The following CAMTA1 variants were observed in gnomAD, a reference collection of about 807,000 sequenced individuals.
CAMTA1 encodes the protein calmodulin binding transcription activator 1.
CAMTA1 carries 27 observed loss-of-function variants against 170.9 expected under a neutral mutation model. The observed-to-expected ratio is 0.16, with a 90% CI of 0.12 to 0.22. The LOEUF (loss-of-function observed/expected upper bound fraction) is 0.22, where lower values mean the gene tolerates loss of function less well. Ranked by LOEUF, CAMTA1 falls within the 10% of genes least tolerant of loss-of-function variation. CAMTA1 has a pLI of 1.00. For missense variants in CAMTA1, 1,619 were observed against 2,217.2 expected, an observed-to-expected ratio of 0.73 and a Z score of 5.42; for synonymous variants, 833 against 891.5, an observed-to-expected ratio of 0.93 and a Z score of 1.17.
chr1:6,907,204 G>A (rs975610692), intron 3 of CAMTA1, among the ~76,000 whole-genome samples: 3 of 152,228 alleles, frequency 2.0e-5, no homozygotes, highest in African/African-American at 7.2e-5. Flanking sequence ...GTTATAGGAT[G>A]TTCTGGAGGC....
intron 5 of CAMTA1, among the ~76,000 whole-genome samples, chr1:7,439,124 G>T (rs1273118330): frequency 1.3e-5 from 2 of 152,140 alleles, no homozygotes; most frequent in Non-Finnish European, 2.9e-5. Flanking sequence ...CAGGGCCGAG[G>T]GCCCCTCCAG....
chr1:7,637,437 C>T (rs1022759076), intron 6 of CAMTA1, among the ~76,000 whole-genome samples: 1 of 152,236 alleles, frequency 6.6e-6, no homozygotes, highest in Non-Finnish European at 1.5e-5. Context: ...CAGGCAGGAG[C>T]CCTCAGCCCA....
At chr1:6,925,543 C>T (rs1383127249) in intron 3 of CAMTA1, among the ~76,000 whole-genome samples, 3 of 152,170 alleles carry the variant, frequency 2.0e-5, no homozygotes, top group Non-Finnish European at 4.4e-5. Context: ...TCCTGCTCCC[C>T]TCGGCGCCTT....
intron 3 of CAMTA1, among the ~76,000 whole-genome samples, chr1:6,927,101 T>C (rs576254737): frequency 6.6e-6 from 1 of 152,136 alleles, no homozygotes; most frequent in South Asian, 2.1e-4. Flanking sequence ...CATAACTCAC[T>C]GTAGCCTCAA....
At chr1:7,148,760 C>G (rs1198858843) in intron 4 of CAMTA1, among the ~76,000 whole-genome samples, 1 of 152,244 alleles carries the variant, frequency 6.6e-6, no homozygotes, top group Non-Finnish European at 1.5e-5. Flanking sequence ...TGGGCTGTGA[C>G]CACCTCTCTC....
intron 6 of CAMTA1, among the ~76,000 whole-genome samples, chr1:7,508,823 C>A (rs935802217): frequency 5.3e-5 from 8 of 152,312 alleles, no homozygotes; most frequent in Admixed American, 4.6e-4. Context: ...GGCATCCACA[C>A]CCACTTAGCC....
chr1:7,123,641 G>C (rs1056012392), intron 4 of CAMTA1, among the ~76,000 whole-genome samples: 11 of 152,186 alleles, frequency 7.2e-5, no homozygotes, highest in African/African-American at 2.7e-4. Context: ...CACCCAGCCT[G>C]GGTAGTACCT....
At chr1:6,884,171 T>G (rs1426505937) in intron 3 of CAMTA1, among the ~76,000 whole-genome samples, 1 of 102,608 alleles carries the variant, frequency 9.7e-6, no homozygotes, top group African/African-American at 3.8e-5. Flanking sequence ...TCACTCCTTC[T>G]GAGGGGAGCA....
intron 5 of CAMTA1, among the ~76,000 whole-genome samples, chr1:7,358,260 A>T (rs2085277187): frequency 6.6e-6 from 1 of 152,052 alleles, no homozygotes; most frequent in African/African-American, 2.4e-5. Flanking sequence ...GTAGCTGAAA[A>T]CCTTGACTTG....
intron 5 of CAMTA1, among the ~76,000 whole-genome samples, chr1:7,403,398 G>A (rs2090054779): frequency 6.6e-6 from 1 of 152,176 alleles, no homozygotes; most frequent in Non-Finnish European, 1.5e-5. Context: ...TCATGGCCTA[G>A]TGAGGGAGGC....
In CAMTA1 at chr1:7,732,319, C is replaced by T; in HGVS notation, c.2915-129C>T. On this transcript the variant is annotated intron_variant, in intron 11 of 22. Coordinates refer to ENST00000303635, the MANE Select transcript of CAMTA1 (RefSeq NM_015215.4). The surrounding 1 kb of genome is among the most constrained non-coding windows in gnomAD (Gnocchi z 4.1). ...GATCGTGCTGGGGAACTCTGGCTGG[C>T]GGAGACCTCTCTGGTTTGGTGAAGT... 9 of 722,350 alleles carry T rather than the reference C, an allele frequency of 1.2e-5. No homozygotes were observed. The highest frequency in any genetic ancestry group is 2.2e-5 in the Non-Finnish European group (9 of 414,342). 44.7% of individuals were successfully genotyped at this position (722,350 alleles called of 1,614,324 possible).
intron 5 of CAMTA1, among the ~76,000 whole-genome samples, chr1:7,378,852 T>C (rs947720026): frequency 6.6e-6 from 1 of 152,116 alleles, no homozygotes; most frequent in Admixed American, 6.5e-5. Context: ...AGCAGGTGCA[T>C]TTAAAGTGGG....
rs1219604253 is a variant in CAMTA1, at chr1:7,559,115, G to A, written c.511-81285G>A. On this transcript the variant is annotated intron_variant, in intron 6 of 22. Coordinates refer to ENST00000303635, the MANE Select transcript of CAMTA1 (RefSeq NM_015215.4). ...CATGGCAGCCGCTCAGGAAGGAGGC[G>A]GCAGCTGGCACCGGTGGTGCTGTCT... Among the ~76,000 whole-genome samples the A allele has an allele frequency of 5.9e-5, 9 of 152,298 alleles. 1 individual carries two copies. The Middle Eastern group carries it at 0.017, about 288-fold the overall frequency.
At chr1:7,391,517 G>A in intron 5 of CAMTA1, among the ~76,000 whole-genome samples, 1 of 152,132 alleles carries the variant, frequency 6.6e-6, no homozygotes, top group Non-Finnish European at 1.5e-5. Context: ...TTAACATATG[G>A]TAAAAATTCC....
At position 6,887,815 on chromosome 1, in the gene CAMTA1, A is replaced by T; in HGVS notation, c.234+62605A>T. On this transcript the variant is annotated intron_variant, in intron 3 of 22. Transcript: ENST00000303635. This position sits in a 1 kb window ranked among gnomAD's most constrained non-coding sequence, Gnocchi z 4.1. ...TGGCTTTAAGACAGTTCTATTAGTG[A>T]ATTAACTGTTCTCAAAACCCCAAAT... 1 of 1,484,174 alleles carries T rather than the reference A, an allele frequency of 6.7e-7. No individual in the cohort carries two copies. The allele number at this position is 1,484,174 out of a possible 1,614,324, so 91.9% of individuals were successfully genotyped here.
chr1:7,115,536 C>T (rs1226588955), intron 4 of CAMTA1, among the ~76,000 whole-genome samples: 3 of 118,756 alleles, frequency 2.5e-5, no homozygotes, highest in African/African-American at 7.1e-5. Flanking sequence ...AGTGTGAGTC[C>T]GAAAAATCTA....
At position 7,736,286 on chromosome 1, in the gene CAMTA1, G is replaced by A. The variant is rs41278948; in HGVS notation, c.3067-58G>A. On this transcript the variant is annotated intron_variant, in intron 12 of 22. Coordinates refer to ENST00000303635, the MANE Select transcript of CAMTA1 (RefSeq NM_015215.4). The surrounding 1 kb of genome is among the most constrained non-coding windows in gnomAD (Gnocchi z 4.5). The stretch of plus-strand genomic sequence containing the variant: ...GCATTTGTTTCCCCTACATCGAAGC[G>A]CTGATGGGGTCGAGGGCCTTTAGTC... The A allele has an allele frequency of 4.3e-3, 6,192 of 1,445,482 alleles. 39 individuals are homozygous for A. Among genetic ancestry groups the A allele is most frequent in the Admixed American group, 0.022 (1,142 of 52,960 alleles). 89.5% of individuals were successfully genotyped at this position (1,445,482 alleles called of 1,614,324 possible).
At position 7,246,114 on chromosome 1, in the gene CAMTA1, G is replaced by A. The variant is rs114925989; in HGVS notation, c.303-3377G>A. 3.7e-3 allele frequency among the ~76,000 whole-genome samples: 563 copies of A among 152,348 alleles called. 4 individuals are homozygous for A. Among genetic ancestry groups the A allele is most frequent in the African/African-American group, 0.013 (553 of 41,570 alleles). On this transcript the variant is annotated intron_variant, in intron 4 of 22. Transcript: ENST00000303635. Reference sequence around the variant, plus strand: ...GGGTGGTAATGATCACCCAGCAGGTGGAGCAGAACGGAGACTGGCCCCACA... The same window carrying A: ...GGGTGGTAATGATCACCCAGCAGGTAGAGCAGAACGGAGACTGGCCCCACA...
At chr1:7,522,132 G>A (rs1010934075) in intron 6 of CAMTA1, among the ~76,000 whole-genome samples, 1 of 152,268 alleles carries the variant, frequency 6.6e-6, no homozygotes, top group Non-Finnish European at 1.5e-5. Flanking sequence ...TGACGGATCC[G>A]GTTTTTTCAC....
Sources: allele counts gnomAD v4.1 joint callset (sites outside exome capture counted in the v4.1 genomes callset), GRCh38; gene constraint gnomAD v4.1.1; non-coding constraint Gnocchi (gnomAD v3.1); transcripts MANE v1.5; gene names NCBI Gene and HGNC (gene_info 2026-07-23, HGNC 2026-07-21).